Variants in PTPRR observed in about 807,000 individuals in gnomAD.
The protein encoded by PTPRR is receptor-type tyrosine-protein phosphatase R.
In PTPRR, 38 loss-of-function variants were observed where a neutral mutation model predicts 77.2. That is an observed-to-expected ratio of 0.49 (90% CI 0.38 to 0.65). The LOEUF (loss-of-function observed/expected upper bound fraction) is 0.65, where lower values mean the gene tolerates loss of function less well. Ranked by LOEUF, PTPRR falls within the 30% of genes least tolerant of loss-of-function variation. PTPRR has a pLI of 0.00. For missense variants in PTPRR, 744 were observed against 799.2 expected, an observed-to-expected ratio of 0.93 and a Z score of 0.83; for synonymous variants, 299 against 283.1, an observed-to-expected ratio of 1.06 and a Z score of -0.57.
intron 2 of PTPRR, among the ~76,000 whole-genome samples, chr12:70,848,855 G>A (rs1484625611): frequency 6.6e-6 from 1 of 152,184 alleles, no homozygotes; most frequent in East Asian, 1.9e-4. Flanking sequence ...GATACTTTCT[G>A]TGTAGTATCA....
At chr12:70,782,439 C>A (rs1321298900) in intron 2 of PTPRR, among the ~76,000 whole-genome samples, 2 of 152,026 alleles carry the variant, frequency 1.3e-5, no homozygotes, top group African/African-American at 4.8e-5. Flanking sequence ...GGAACCAAGC[C>A]AAATGTCCAT....
At chr12:70,820,629 A>G (rs935936937) in intron 2 of PTPRR, among the ~76,000 whole-genome samples, 4 of 152,122 alleles carry the variant, frequency 2.6e-5, no homozygotes, top group African/African-American at 9.7e-5. Context: ...CACTGCGCCC[A>G]GCCACTGTTT....
At chr12:70,790,873 C>A (rs1444142309) in intron 2 of PTPRR, among the ~76,000 whole-genome samples, 2 of 151,814 alleles carry the variant, frequency 1.3e-5, no homozygotes, top group Non-Finnish European at 2.9e-5. Context: ...AAAACAAAAA[C>A]AAAAAAACCA....
intron 5 of PTPRR, among the ~76,000 whole-genome samples, chr12:70,750,544 G>C (rs1356928983): frequency 6.6e-6 from 1 of 152,102 alleles, no homozygotes; most frequent in Admixed American, 6.6e-5. Flanking sequence ...TGAACACTTA[G>C]AAAGATGAGC....
chr12:70,798,533 T>A (rs1007713256), intron 2 of PTPRR, among the ~76,000 whole-genome samples: 3 of 152,210 alleles, frequency 2.0e-5, no homozygotes, highest in Non-Finnish European at 2.9e-5. Context: ...CATATCTAAG[T>A]CTCTGGCTCA....
Position 70,659,140 on chromosome 12 carries a change from T to C in PTPRR, c.1766+1800A>G, listed in dbSNP as rs918949271. On this transcript the variant is annotated intron_variant, in intron 12 of 13. Transcript: ENST00000283228. Reference sequence around the variant, plus strand: ...CTGGACTTGAACTCCTGACCTCAAGTGATCTGCCTGCCTCGGCCTCCCAAA... The same window carrying C: ...CTGGACTTGAACTCCTGACCTCAAGCGATCTGCCTGCCTCGGCCTCCCAAA... Among the ~76,000 whole-genome samples the C allele has an allele frequency of 1.3e-4, 20 of 151,928 alleles. 1 individual carries two copies. The highest frequency in any genetic ancestry group is 6.2e-4 in the South Asian group (3 of 4,816).
intron 8 of PTPRR, among the ~76,000 whole-genome samples, chr12:70,692,163 C>T (rs1469642301): frequency 6.6e-6 from 1 of 152,054 alleles, no homozygotes; most frequent in Non-Finnish European, 1.5e-5. Flanking sequence ...TGTTAATGGA[C>T]CCTGTGAATT....
chr12:70,758,688 G>T (rs1488187434), intron 4 of PTPRR, among the ~76,000 whole-genome samples: 1 of 152,104 alleles, frequency 6.6e-6, no homozygotes, highest in African/African-American at 2.4e-5. Flanking sequence ...GGGGCCTGGT[G>T]GTTCACCTCC....
intron 4 of PTPRR, 126 bp from the exon 5 acceptor site, chr12:70,754,427 G>A: frequency 1.9e-6 from 3 of 1,561,904 alleles, no homozygotes; most frequent in South Asian, 1.2e-5. Context: ...TACACCCCCC[G>A]CTGCCAGAGC....
At position 70,749,857 on chromosome 12, in the gene PTPRR, AT is replaced by A. The variant is rs1348032816; in HGVS notation, c.739-3772del. ...CTGGCCTGTAGACATCTCTAGCTAT[AT>A]TTCATAAATGTCTTTGTACTTGTTA... On this transcript the variant is annotated intron_variant, in intron 5 of 13. Coordinates refer to ENST00000283228, the MANE Select transcript of PTPRR (RefSeq NM_002849.4). Among the ~76,000 whole-genome samples the A allele has an allele frequency of 4.6e-5, 7 of 152,190 alleles. No homozygotes were observed. The South Asian group carries it at 6.2e-4, about 13-fold the overall frequency.
At chr12:70,865,093 A>G (rs1189521490) in intron 2 of PTPRR, among the ~76,000 whole-genome samples, 2 of 152,072 alleles carry the variant, frequency 1.3e-5, no homozygotes, top group African/African-American at 2.4e-5. Context: ...GATTACAGGC[A>G]TGAGCCATTG....
chr12:70,647,108 G>A (rs772148146), intron 13 of PTPRR, among the ~76,000 whole-genome samples: 10 of 151,892 alleles, frequency 6.6e-5, no homozygotes, highest in Non-Finnish European at 1.5e-4. Flanking sequence ...AGGATGTACA[G>A]GCAACTACAA....
In PTPRR at chr12:70,764,754, G is replaced by A. The variant is rs538552482; in HGVS notation, c.382C>T (p.Leu128=). The A allele has an allele frequency of 6.2e-7, 1 of 1,613,950 alleles. No individual in the cohort carries two copies. Among genetic ancestry groups the A allele is most frequent in the African/African-American group, 1.3e-5 (1 of 75,034 alleles). The change falls in exon 3 of 14, where the codon CTG becomes TTG. Residue 128 remains leucine (L), a synonymous_variant. Transcript: ENST00000283228. ...VVTLQMDVNK[L]NITLLRIFRQ... ...AAGATCCGAAGCAAGGTTATGTTCAGCTTGTTTACATCCATTTGCAGTGTC... is the reference window on the plus strand; with the variant it reads ...AAGATCCGAAGCAAGGTTATGTTCAACTTGTTTACATCCATTTGCAGTGTC...
At chr12:70,704,997 C>T (rs1888565916) in intron 6 of PTPRR, among the ~76,000 whole-genome samples, 1 of 151,488 alleles carries the variant, frequency 6.6e-6, no homozygotes, top group Non-Finnish European at 1.5e-5. Flanking sequence ...ATTATTTATG[C>T]CAAAAAATAA....
intron 2 of PTPRR, among the ~76,000 whole-genome samples, chr12:70,827,865 C>T (rs1299787744): frequency 2.0e-5 from 3 of 151,866 alleles, no homozygotes; most frequent in Admixed American, 6.6e-5. Context: ...GGACTACAGG[C>T]GCCCACCACT....
intron 6 of PTPRR, among the ~76,000 whole-genome samples, chr12:70,737,525 T>TCTATCTAGCTAG (rs1565674694): frequency 6.6e-6 from 1 of 151,348 alleles, no homozygotes; most frequent in African/African-American, 2.4e-5. Flanking sequence ...TATCTATCTA[T>TCTATCTAGCTAG]CTATCTATCT....
chr12:70,875,751 T>C (rs894235838), intron 2 of PTPRR, among the ~76,000 whole-genome samples: 11 of 151,956 alleles, frequency 7.2e-5, no homozygotes, highest in African/African-American at 2.7e-4. Context: ...GAAGTGATTA[T>C]GTAGGAAGAA....
intron 2 of PTPRR, among the ~76,000 whole-genome samples, chr12:70,810,134 T>C (rs1891783832): frequency 6.6e-6 from 1 of 152,196 alleles, no homozygotes; most frequent in South Asian, 2.1e-4. Context: ...TATTCCCTTA[T>C]AAATACCGCC....
In PTPRR at chr12:70,672,320, A is replaced by G. The variant is rs949988789; in HGVS notation, c.1498-9715T>C. ...GCCCACGGAACCGATCAACTTCAGC[A>G]AGTTTGCCAACTCCATTGTGGAGCC... On this transcript the variant is annotated intron_variant, in intron 10 of 13. Coordinates refer to ENST00000283228, the MANE Select transcript of PTPRR (RefSeq NM_002849.4). The G allele has an allele frequency of 6.4e-6, 10 of 1,566,248 alleles. No homozygotes were observed. The African/African-American group carries it at 1.4e-4, about 21-fold the overall frequency.
Sources: gnomAD v4.1 joint callset for allele counts (sites outside exome capture counted in the v4.1 genomes callset) on GRCh38, gnomAD v4.1.1 for gene constraint, MANE v1.5 for transcripts, NCBI Gene and HGNC (gene_info 2026-07-23, HGNC 2026-07-21) for gene names.